SCHIP1: variants seen among roughly 807,000 people sequenced by gnomAD.
SCHIP1 encodes schwannomin-interacting protein 1.
In SCHIP1, 8 loss-of-function variants were observed where a neutral mutation model predicts 29.7. That is an observed-to-expected ratio of 0.27 (90% CI 0.16 to 0.49). The LOEUF (loss-of-function observed/expected upper bound fraction) is 0.49, where lower values mean the gene tolerates loss of function less well. Ranked by LOEUF, SCHIP1 falls within the 20% of genes least tolerant of loss-of-function variation. The probability of loss-of-function intolerance (pLI) is 0.99; values close to 1 mark genes in which losing one functional copy is unlikely to be tolerated. For missense variants in SCHIP1, 193 were observed against 294.6 expected (o/e 0.66, Z 2.52); for synonymous variants, 76 against 94.9 (o/e 0.80, Z 1.16).
chr3:159,894,058 A>T (rs915107217), intron 6 of SCHIP1: 7 of 152,158 alleles, frequency 4.6e-5, no homozygotes, highest in African/African-American at 1.7e-4. Context: ...TGTCCATTCA[A>T]ATCAGTAGTT....
At chr3:159,512,160 G>A in the SCHIP1 span, among the ~76,000 whole-genome samples, 3 of 152,140 alleles carry the variant, frequency 2.0e-5, no homozygotes, top group Non-Finnish European at 4.4e-5. Flanking sequence ...GAGAGGGAAA[G>A]AAGGAAAGTG....
intron 2 of SCHIP1, among the ~76,000 whole-genome samples, chr3:159,878,983 G>A (rs1023424980): frequency 6.8e-6 from 1 of 147,278 alleles, no homozygotes; most frequent in African/African-American, 2.5e-5. Flanking sequence ...CCATATTTTT[G>A]TTTATAAAAT....
At chr3:159,496,189 C>T in the SCHIP1 span, among the ~76,000 whole-genome samples, 2 of 152,200 alleles carry the variant, frequency 1.3e-5, no homozygotes, top group African/African-American at 4.8e-5. Flanking sequence ...AGGACATAGG[C>T]ATGGGCAAGG....
At chr3:159,441,176 T>A in the SCHIP1 span, among the ~76,000 whole-genome samples, 1 of 152,064 alleles carries the variant, frequency 6.6e-6, no homozygotes, top group Non-Finnish European at 1.5e-5. Flanking sequence ...CACTCGCACA[T>A]ACACACACAC....
At chr3:159,312,056 G>C in the SCHIP1 span, among the ~76,000 whole-genome samples, 1 of 152,166 alleles carries the variant, frequency 6.6e-6, no homozygotes, top group African/African-American at 2.4e-5. Context: ...ATAAGACAGA[G>C]TATTGTACAT....
At chr3:159,825,735 T>G in the SCHIP1 span, among the ~76,000 whole-genome samples, 1 of 151,870 alleles carries the variant, frequency 6.6e-6, no homozygotes, top group African/African-American at 2.4e-5. Context: ...TACAATCTAG[T>G]GGAGCAAATC....
At chr3:159,429,131 C>T in the SCHIP1 span, among the ~76,000 whole-genome samples, 2 of 150,170 alleles carry the variant, frequency 1.3e-5, no homozygotes, top group South Asian at 4.2e-4. Context: ...ACTAGCATGG[C>T]ACATGTATAC....
chr3:159,745,760 T>C, the SCHIP1 span, among the ~76,000 whole-genome samples: 1 of 152,236 alleles, frequency 6.6e-6, no homozygotes, highest in Non-Finnish European at 1.5e-5. Context: ...ATTACTATTA[T>C]TTAGAAATCA....
At chr3:159,839,907 G>A in exon 1 of SCHIP1, 3 of 1,397,574 alleles carry the variant, frequency 2.1e-6, no homozygotes, top group South Asian at 1.7e-5. Flanking sequence ...CGGGTGATGA[G>A]CGCCCCCTCC....
chr3:159,287,332 G>A, the SCHIP1 span, among the ~76,000 whole-genome samples: 1 of 145,250 alleles, frequency 6.9e-6, no homozygotes, highest in Admixed American at 6.9e-5. Flanking sequence ...TTTTGAGACA[G>A]ACAAAAAATC....
chr3:159,888,068 A>T, intron 4 of SCHIP1, 163 bp downstream of exon 5: 1 of 975,988 alleles, frequency 1.0e-6, no homozygotes, highest in Non-Finnish European at 1.5e-6. Context: ...TTTCCTTCCT[A>T]CTGTAGGACT....
the SCHIP1 span, among the ~76,000 whole-genome samples, chr3:159,621,831 A>T: frequency 1.3e-5 from 2 of 152,074 alleles, no homozygotes; most frequent in Non-Finnish European, 2.9e-5. Context: ...ATGCCTGGCT[A>T]ATTTTTGTAT....
the SCHIP1 span, among the ~76,000 whole-genome samples, chr3:159,469,222 C>A: frequency 1.3e-5 from 2 of 151,978 alleles, no homozygotes; most frequent in African/African-American, 4.8e-5. Flanking sequence ...TAAAGTATTA[C>A]CTACATAAAA....
chr3:159,776,283 G>C, the SCHIP1 span, among the ~76,000 whole-genome samples: 1 of 149,564 alleles, frequency 6.7e-6, no homozygotes, highest in African/African-American at 2.5e-5. Flanking sequence ...GGTCCATTTT[G>C]ACCTAGTCTG....
chr3:159,303,948 T>G, the SCHIP1 span, among the ~76,000 whole-genome samples: 1 of 152,018 alleles, frequency 6.6e-6, no homozygotes, highest in Admixed American at 6.6e-5. Flanking sequence ...TGCCACGCTG[T>G]TGCGCTGCAC....
intron 1 of SCHIP1, among the ~76,000 whole-genome samples, chr3:159,864,741 G>A (rs527353031): frequency 6.6e-6 from 1 of 152,284 alleles, no homozygotes; most frequent in Admixed American, 6.5e-5. Flanking sequence ...GCATTCTAAT[G>A]CAGCCTGTTG....
the SCHIP1 span, among the ~76,000 whole-genome samples, chr3:159,796,088 C>T: frequency 6.6e-6 from 1 of 152,080 alleles, no homozygotes; most frequent in Admixed American, 6.5e-5. Context: ...TCATAGCAGG[C>T]CTTATGTATG....
At chr3:159,505,637 A>G in the SCHIP1 span, among the ~76,000 whole-genome samples, 1 of 151,970 alleles carries the variant, frequency 6.6e-6, no homozygotes, top group Non-Finnish European at 1.5e-5. Flanking sequence ...CCACCCTACA[A>G]CAGGCCCTGG....
At chr3:159,353,619 G>A in the SCHIP1 span, among the ~76,000 whole-genome samples, 7 of 152,030 alleles carry the variant, frequency 4.6e-5, no homozygotes, top group South Asian at 6.2e-4. Flanking sequence ...AATAAAAATC[G>A]GGGCTAAAAA....
Sources: allele counts gnomAD v4.1 joint callset (sites outside exome capture counted in the v4.1 genomes callset), GRCh38; gene constraint gnomAD v4.1.1; transcripts MANE v1.5; gene names NCBI Gene and HGNC (gene_info 2026-07-23, HGNC 2026-07-21).